The following CDH18 variants were observed in gnomAD, a reference collection of about 807,000 sequenced individuals.
CDH18 encodes cadherin-18.
Under a neutral mutation model 67.9 loss-of-function variants are expected in CDH18, and 31 were observed. The ratio of observed to expected loss-of-function variants is 0.46; its 90% confidence interval spans 0.34 to 0.62. CDH18 has a LOEUF of 0.62. CDH18 is among the 20% of genes least tolerant of loss of function. CDH18 has a pLI of 0.01. For missense variants in CDH18, 890 were observed against 975.5 expected (o/e 0.91, Z 1.17); for synonymous variants, 362 against 347.2 (o/e 1.04, Z -0.48).
intron 2 of CDH18, among the ~76,000 whole-genome samples, chr5:20,014,474 T>C (rs1390733429): frequency 5.3e-5 from 8 of 152,090 alleles, no homozygotes; most frequent in African/African-American, 2.4e-5. Flanking sequence ...GATAATCATG[T>C]AATGAGGGCT....
intron 2 of CDH18, among the ~76,000 whole-genome samples, chr5:20,141,323 A>C (rs1750224004): frequency 6.6e-6 from 1 of 152,192 alleles, no homozygotes; most frequent in Non-Finnish European, 1.5e-5. Context: ...AATCACAAGA[A>C]GGGAGAGTAG....
At chr5:19,888,577 A>T (rs1463814557) in intron 2 of CDH18, among the ~76,000 whole-genome samples, 1 of 152,064 alleles carries the variant, frequency 6.6e-6, no homozygotes, top group Non-Finnish European at 1.5e-5. Context: ...GGTCTATAGA[A>T]ATAAAATTAG....
At chr5:20,104,370 C>T (rs1746743163) in intron 2 of CDH18, among the ~76,000 whole-genome samples, 1 of 152,002 alleles carries the variant, frequency 6.6e-6, no homozygotes, top group Non-Finnish European at 1.5e-5. Flanking sequence ...GTCTGAATCC[C>T]TGCTCCATAC....
chr5:19,749,939 A>G (rs1201020591), intron 3 of CDH18, among the ~76,000 whole-genome samples: 1 of 151,966 alleles, frequency 6.6e-6, no homozygotes, highest in East Asian at 1.9e-4. Context: ...AGTAATATTT[A>G]TATTTTTGGA....
At chr5:20,485,922 G>A (rs2126345078) in intron 1 of CDH18, among the ~76,000 whole-genome samples, 1 of 152,292 alleles carries the variant, frequency 6.6e-6, no homozygotes. Flanking sequence ...AACAAATATA[G>A]AAGAGTATTA....
chr5:20,103,399 G>A (rs1444447809), intron 2 of CDH18, among the ~76,000 whole-genome samples: 4 of 152,048 alleles, frequency 2.6e-5, no homozygotes, highest in African/African-American at 9.7e-5. Context: ...TAAGTAGGAA[G>A]TAGAAGAATG....
chr5:20,134,027 C>T (rs970237730), intron 2 of CDH18, among the ~76,000 whole-genome samples: 2 of 152,098 alleles, frequency 1.3e-5, no homozygotes, highest in Non-Finnish European at 2.9e-5. Flanking sequence ...TGCAATGGCA[C>T]ACTCTCAGCT....
At chr5:20,270,721 A>G (rs1745372767) in intron 1 of CDH18, among the ~76,000 whole-genome samples, 1 of 152,148 alleles carries the variant, frequency 6.6e-6, no homozygotes, top group Admixed American at 6.6e-5. Context: ...TAGCTAAGAC[A>G]TGGAATCAAC....
intron 3 of CDH18, among the ~76,000 whole-genome samples, chr5:19,798,452 C>T (rs141671053): frequency 2.0e-4 from 30 of 151,932 alleles, no homozygotes; most frequent in Non-Finnish European, 1.0e-4. Flanking sequence ...AATTTCCAGA[C>T]CTTTGGAAAT....
chr5:19,636,065 A>AT (rs1753105872), intron 5 of CDH18, among the ~76,000 whole-genome samples: 1 of 152,104 alleles, frequency 6.6e-6, no homozygotes, highest in Non-Finnish European at 1.5e-5. Context: ...TCAATCAATG[A>AT]TTTTCAGTTA....
At chr5:20,096,719 A>C (rs888732073) in intron 2 of CDH18, among the ~76,000 whole-genome samples, 20 of 152,158 alleles carry the variant, frequency 1.3e-4, no homozygotes, top group African/African-American at 4.8e-4. Flanking sequence ...TTTGCTAAAA[A>C]GGATCAATAA....
At chr5:19,599,923 C>G (rs1203005507) in intron 6 of CDH18, among the ~76,000 whole-genome samples, 1 of 151,886 alleles carries the variant, frequency 6.6e-6, no homozygotes, top group Non-Finnish European at 1.5e-5. Context: ...AAAACCAAAA[C>G]AGAACCTCAA....
At position 19,612,579 on chromosome 5, in the gene CDH18, A is replaced by G. The variant is rs773920679; in HGVS notation, c.666T>C (p.His222=). Residue 222 remains histidine (H), a synonymous_variant, in exon 6 of 13, where the codon CAT becomes CAC. Coordinates refer to ENST00000382275, the MANE Select transcript of CDH18 (RefSeq NM_004934.5). ...GTTCTCTGGCTTCTCTGTCCATGTT[A>G]TGTAAGGCCGTTCTAATAACTCCTG... ...PKTGVIRTAL[H]NMDREAREHY... 33 of 1,613,588 alleles carry G rather than the reference A, an allele frequency of 2.0e-5. No individual in the cohort carries two copies. The highest frequency in any genetic ancestry group is 2.8e-5 in the Non-Finnish European group (33 of 1,179,664).
intron 8 of CDH18, among the ~76,000 whole-genome samples, chr5:19,551,065 A>C (rs943454095): frequency 1.1e-4 from 17 of 152,346 alleles, no homozygotes; most frequent in East Asian, 5.8e-4. Flanking sequence ...TTTGTAGAGA[A>C]AGATAATCTC....
At chr5:19,589,945 T>C (rs1241578777) in intron 7 of CDH18, among the ~76,000 whole-genome samples, 4 of 152,134 alleles carry the variant, frequency 2.6e-5, no homozygotes, top group Middle Eastern at 3.2e-3. Context: ...TTAAATATTC[T>C]AGATTTTTCC....
intron 2 of CDH18, among the ~76,000 whole-genome samples, chr5:19,953,809 T>G (rs1796012665): frequency 6.6e-6 from 1 of 152,066 alleles, no homozygotes; most frequent in African/African-American, 2.4e-5. Context: ...ATAGTCAAAC[T>G]ATGAGGTTGT....
At position 20,320,065 on chromosome 5, in the gene CDH18, G is replaced by T. The variant is rs796339736; in HGVS notation, c.-579-64560C>A. Among the ~76,000 whole-genome samples the T allele has an allele frequency of 6.6e-5, 10 of 152,218 alleles. No individual in the cohort carries two copies. The South Asian group carries it at 1.2e-3, about 19-fold the overall frequency. ...CAATGCCACTCTGCTACTGTGAATTGTGCCATATAAATATTGCTCCCTTTT... is the reference window on the plus strand; with the variant it reads ...CAATGCCACTCTGCTACTGTGAATTTTGCCATATAAATATTGCTCCCTTTT... On this transcript the variant is annotated intron_variant, in intron 1 of 14. Coordinates refer to the CDH18 transcript ENST00000507958.
At chr5:20,157,645 C>CT (rs538867743) in intron 2 of CDH18, among the ~76,000 whole-genome samples, 12,398 of 136,538 alleles carry the variant, frequency 0.091, 581 homozygotes, top group East Asian at 0.18. Flanking sequence ...CTTTAACCCA[C>CT]TTTTTTTTTT....
intron 2 of CDH18, among the ~76,000 whole-genome samples, chr5:19,840,132 G>C (rs1475411411): frequency 1.2e-4 from 18 of 151,334 alleles, no homozygotes. Context: ...GCCGGGCTTG[G>C]TGGCGGTCAC....
Sources: allele counts gnomAD v4.1 joint callset (sites outside exome capture counted in the v4.1 genomes callset), GRCh38; gene constraint gnomAD v4.1.1; transcripts MANE v1.5; gene names NCBI Gene and HGNC (gene_info 2026-07-23, HGNC 2026-07-21).